RASGRF1: variants seen among roughly 807,000 people sequenced by gnomAD.
RASGRF1 encodes Ras protein specific guanine nucleotide releasing factor 1.
In RASGRF1, 40 loss-of-function variants were observed where a neutral mutation model predicts 138.7. That is an observed-to-expected ratio of 0.29 (90% CI 0.22 to 0.38). RASGRF1 has a LOEUF of 0.38. RASGRF1 is among the 10% of genes least tolerant of loss of function. The pLI, the probability that RASGRF1 is intolerant of heterozygous loss-of-function variation, is 1.00. For missense variants in RASGRF1, 1,108 were observed against 1,650.4 expected (o/e 0.67, Z 5.69); for synonymous variants, 614 against 663.2 (o/e 0.93, Z 1.14).
intron 12 of RASGRF1, among the ~76,000 whole-genome samples, chr15:79,016,954 C>G (rs1000375871): frequency 5.9e-5 from 9 of 152,230 alleles, no homozygotes; most frequent in Non-Finnish European, 8.8e-5. Context: ...GTTGGCTGCT[C>G]TCCTACCACC....
Position 79,090,562 on chromosome 15 carries a change from G to T in RASGRF1, c.-64C>A. ...TTCTCCGCGCAGCAGCCCCCCGTCC[G>T]TGCGCGCTGCGCGCTGCCTCTCTCT... On this transcript the variant is annotated 5_prime_UTR_variant, in exon 1 of 27. Coordinates refer to ENST00000558480, the MANE Select transcript of RASGRF1 (RefSeq NM_001145648.3). 5 of 1,571,036 alleles carry T rather than the reference G, an allele frequency of 3.2e-6. No homozygotes were observed. The highest frequency in any genetic ancestry group is 4.3e-6 in the Non-Finnish European group (5 of 1,160,624).
chr15:79,014,629 T>C (rs1595903860), intron 13 of RASGRF1, among the ~76,000 whole-genome samples: 1 of 151,920 alleles, frequency 6.6e-6, no homozygotes, highest in Admixed American at 6.6e-5. Flanking sequence ...AGACTACAAA[T>C]TGGAGCCGGA....
At chr15:79,029,364 G>A (rs1247263768) in intron 8 of RASGRF1, among the ~76,000 whole-genome samples, 2 of 152,168 alleles carry the variant, frequency 1.3e-5, no homozygotes, top group African/African-American at 4.8e-5. Flanking sequence ...TGAGGGTGGG[G>A]TTTTGCGGGG....
chr15:79,037,295 T>C (rs1183056565), intron 5 of RASGRF1, among the ~76,000 whole-genome samples: 1 of 151,716 alleles, frequency 6.6e-6, no homozygotes, highest in African/African-American at 2.4e-5. Flanking sequence ...GAGGGAGCCA[T>C]ATTTGGCAGC....
At chr15:79,082,469 G>C (rs887979419) in intron 1 of RASGRF1, among the ~76,000 whole-genome samples, 1 of 152,182 alleles carries the variant, frequency 6.6e-6, no homozygotes, top group Non-Finnish European at 1.5e-5. Context: ...CAGCTGCATG[G>C]GACATAAAGC....
chr15:79,030,025 G>T (rs1424630387), intron 8 of RASGRF1, among the ~76,000 whole-genome samples: 5 of 152,046 alleles, frequency 3.3e-5, no homozygotes, highest in Non-Finnish European at 7.4e-5. Flanking sequence ...GGCATGGGAG[G>T]ACTGGAGTCC....
intron 6 of RASGRF1, among the ~76,000 whole-genome samples, chr15:79,033,772 T>C (rs1012954094): frequency 5.9e-5 from 9 of 151,878 alleles, no homozygotes; most frequent in Non-Finnish European, 1.3e-4. Flanking sequence ...GTAATTTTAG[T>C]AGAGACGGGG....
At chr15:79,060,253 C>A (rs1266918186) in intron 2 of RASGRF1, among the ~76,000 whole-genome samples, 2 of 152,190 alleles carry the variant, frequency 1.3e-5, no homozygotes, top group Non-Finnish European at 2.9e-5. Context: ...CTCCCCACCC[C>A]CCAGGTTGAA....
chr15:79,067,711 G>A (rs1408683287), intron 1 of RASGRF1, among the ~76,000 whole-genome samples: 1 of 152,192 alleles, frequency 6.6e-6, no homozygotes, highest in Non-Finnish European at 1.5e-5. Context: ...GCACAAATCT[G>A]GACTTTGGGT....
chr15:79,053,625 A>G (rs948391918), intron 3 of RASGRF1, among the ~76,000 whole-genome samples: 1 of 152,202 alleles, frequency 6.6e-6, no homozygotes, highest in Non-Finnish European at 1.5e-5. Flanking sequence ...TAGAAGGGAG[A>G]GAAGAGACTA....
intron 4 of RASGRF1, among the ~76,000 whole-genome samples, chr15:79,047,739 C>A (rs2057374009): frequency 6.6e-6 from 1 of 152,174 alleles, no homozygotes; most frequent in Non-Finnish European, 1.5e-5. Context: ...GATTGACACA[C>A]ACACACAGAG....
At chr15:79,011,964 C>T (rs898255937) in intron 13 of RASGRF1, among the ~76,000 whole-genome samples, 3 of 150,604 alleles carry the variant, frequency 2.0e-5, no homozygotes, top group Admixed American at 6.6e-5. Flanking sequence ...TGCAGTGAGC[C>T]GAGATCACAC....
chr15:79,007,135 T>C (rs749644205), intron 13 of RASGRF1, among the ~76,000 whole-genome samples: 3 of 152,266 alleles, frequency 2.0e-5, no homozygotes, highest in Non-Finnish European at 4.4e-5. Flanking sequence ...TTTGATCTGC[T>C]AGCAGCTGTC....
intron 10 of RASGRF1, among the ~76,000 whole-genome samples, chr15:79,020,568 A>C (rs2056946584): frequency 1.3e-5 from 2 of 152,242 alleles, no homozygotes; most frequent in Admixed American, 1.3e-4. Context: ...ATGAAGACAG[A>C]GAAGTTGCAT....
intron 10 of RASGRF1, 90 bp downstream of exon 10, chr15:79,025,224 C>T: frequency 2.1e-6 from 3 of 1,415,120 alleles, no homozygotes; most frequent in South Asian, 1.6e-5. Context: ...CACCCCTGCC[C>T]ACCACCTGGG....
intron 1 of RASGRF1, among the ~76,000 whole-genome samples, chr15:79,089,966 G>A (rs890601462): frequency 6.6e-6 from 1 of 152,130 alleles, no homozygotes; most frequent in Non-Finnish European, 1.5e-5. Flanking sequence ...CTCTGTACCC[G>A]CCTCCCACGG....
chr15:78,962,340 G>A, intron 26 of RASGRF1, 104 bp from the exon 27 acceptor site: 1 of 836,852 alleles, frequency 1.2e-6, no homozygotes, highest in Non-Finnish European at 1.9e-6. Flanking sequence ...TTACTGTGGA[G>A]AGTCAGGTGG....
chr15:79,075,004 G>C (rs149619085), intron 1 of RASGRF1, among the ~76,000 whole-genome samples: 1 of 152,288 alleles, frequency 6.6e-6, no homozygotes, highest in East Asian at 1.9e-4. Context: ...ATGATTCCAA[G>C]GCCTTCCCAA....
chr15:78,995,863 C>T (rs755030546), intron 19 of RASGRF1, 63 bp from the exon 20 acceptor site: 70 of 1,535,348 alleles, frequency 4.6e-5, no homozygotes, highest in Non-Finnish European at 5.8e-5. Flanking sequence ...CTCCCCAGCT[C>T]GGACAGCCCC....
Sources: gnomAD v4.1 joint callset for allele counts (sites outside exome capture counted in the v4.1 genomes callset) on GRCh38, gnomAD v4.1.1 for gene constraint, MANE v1.5 for transcripts, NCBI Gene and HGNC (gene_info 2026-07-23, HGNC 2026-07-21) for gene names.